The following DCDC2C variants were observed in gnomAD, a reference collection of about 807,000 sequenced individuals.
DCDC2C encodes the protein doublecortin domain-containing protein 2C.
Under a neutral mutation model 45.0 loss-of-function variants are expected in DCDC2C, and 44 were observed. The ratio of observed to expected loss-of-function variants is 0.98; its 90% CI spans 0.77 to 1.26. DCDC2C has a LOEUF of 1.26. Among genes scored for constraint, DCDC2C ranks in the 50% most tolerant of loss-of-function variants. DCDC2C has a pLI of 0.00. For synonymous variants in DCDC2C, 187 were observed against 178.8 expected, an observed-to-expected ratio of 1.05 and a Z score of -0.37; for missense variants, 447 against 468.9, an observed-to-expected ratio of 0.95 and a Z score of 0.43.
chr2:3,767,681 C>T, intron 6 of DCDC2C, 73 bp from the exon 7 acceptor site: 2 of 1,515,178 alleles, frequency 1.3e-6, no homozygotes, highest in Non-Finnish European at 1.8e-6. Flanking sequence ...CCTGACCACA[C>T]CCAGAGAACC....
At chr2:3,765,791 G>A (rs1009806064) in intron 6 of DCDC2C, among the ~76,000 whole-genome samples, 1 of 152,118 alleles carries the variant, frequency 6.6e-6, no homozygotes, top group African/African-American at 2.4e-5. Flanking sequence ...TCAATAAATT[G>A]TCTGTGGATT....
chr2:3,772,042 T>A (rs73910362), intron 8 of DCDC2C, among the ~76,000 whole-genome samples: 3,719 of 152,342 alleles, frequency 0.024, 157 homozygotes, highest in African/African-American at 0.084. Context: ...CTGTTTCTCA[T>A]TGTGTCTGCA....
chr2:3,827,239 T>C (rs1671844563), intron 10 of DCDC2C, among the ~76,000 whole-genome samples: 1 of 151,848 alleles, frequency 6.6e-6, no homozygotes, highest in Non-Finnish European at 1.5e-5. Context: ...GAAGGCTACA[T>C]ATGGAGTGGA....
Position 3,767,829 on chromosome 2 carries a change from A to G in DCDC2C, c.802A>G (p.Lys268Glu), listed in dbSNP as rs1047033657. The change falls in exon 7 of 11, where the codon AAA (lysine) becomes GAA (glutamate). Residue 268 changes from lysine to glutamate, a missense_variant. By Grantham distance (56) the Lys-to-Glu change is moderately conservative (BLOSUM62 1). Transcript: ENST00000399143. ...PKTQDSVYYAKEEKKKTLAEP... is the reference protein window; with the variant it reads ...PKTQDSVYYAEEEKKKTLAEP... The stretch of plus-strand genomic sequence containing the variant: ...AACACAGGATTCTGTTTATTATGCC[A>G]AAGAAGAAAAGAAGAAAACATTGGC... The G allele has an allele frequency of 1.9e-6, 3 of 1,542,476 alleles. No individual in the cohort carries two copies. The highest frequency in any genetic ancestry group is 4.1e-5 in the Admixed American group (2 of 48,822).
At chr2:3,846,088 G>A (rs1672320682) in intron 10 of DCDC2C, among the ~76,000 whole-genome samples, 1 of 152,012 alleles carries the variant, frequency 6.6e-6, no homozygotes, top group Non-Finnish European at 1.5e-5. Context: ...TGGAACTCAT[G>A]TTTTTCTTTC....
Position 3,769,333 on chromosome 2 carries a change from G to A in DCDC2C, c.876G>A (p.Pro292=), listed in dbSNP as rs767493047. 3 of 1,550,476 alleles carry A rather than the reference G, an allele frequency of 1.9e-6. No homozygotes were observed. Among genetic ancestry groups the A allele is most frequent in the Non-Finnish European group, 2.6e-6 (3 of 1,146,930 alleles). ...RGAEGDVYKA[P]TPSKETQGAL... ...CAGAAGGTGACGTGTATAAAGCACC[G>A]ACTCCTAGCAAGGAAACCCAAGGGG... The change falls in exon 8 of 11, where the codon CCG becomes CCA. Residue 292 remains proline, a synonymous_variant. Coordinates refer to ENST00000399143, the MANE Select transcript of DCDC2C (RefSeq NM_001287444.2).
chr2:3,776,692 G>T (rs1670350197), intron 8 of DCDC2C, among the ~76,000 whole-genome samples: 1 of 152,196 alleles, frequency 6.6e-6, no homozygotes, highest in African/African-American at 2.4e-5. Flanking sequence ...CTCTCTATGT[G>T]ATATAAAATT....
chr2:3,765,502 C>CA (rs1669986759), intron 6 of DCDC2C, among the ~76,000 whole-genome samples: 1 of 152,134 alleles, frequency 6.6e-6, no homozygotes, highest in Non-Finnish European at 1.5e-5. Flanking sequence ...ATTAGGAAGG[C>CA]AGGTGGGTCT....
Position 3,742,545 on chromosome 2 carries a change from TCTC to T in DCDC2C, c.545+501_545+503del, listed in dbSNP as rs149459868. 5.3e-3 allele frequency among the ~76,000 whole-genome samples: 802 copies of T among 152,000 alleles called. 6 individuals carry two copies. Among genetic ancestry groups the T allele is most frequent in the African/African-American group, 0.019 (772 of 41,442 alleles). ...GCCTGGGGGTCTGGCGTGGAGCAAA[TCTC>T]CTCTCCGCCATCTGTGTCTCGGTTA... On this transcript the variant is annotated intron_variant, in intron 4 of 10. Coordinates refer to ENST00000399143, the MANE Select transcript of DCDC2C (RefSeq NM_001287444.2).
intron 2 of DCDC2C, among the ~76,000 whole-genome samples, chr2:3,719,862 G>C (rs1421846727): frequency 6.6e-6 from 1 of 152,258 alleles, no homozygotes; most frequent in Admixed American, 6.5e-5. Flanking sequence ...CTTCAAATCA[G>C]AGGCGAGGCT....
chr2:3,801,682 C>T (rs998257780), intron 10 of DCDC2C, among the ~76,000 whole-genome samples: 23 of 152,260 alleles, frequency 1.5e-4, no homozygotes, highest in African/African-American at 5.5e-4. Flanking sequence ...AGAGCCTGAG[C>T]TTGTGGGCTC....
chr2:3,747,637 C>A (rs976173909), intron 4 of DCDC2C, among the ~76,000 whole-genome samples: 3 of 152,238 alleles, frequency 2.0e-5, no homozygotes, highest in Admixed American at 1.3e-4. Flanking sequence ...TTGGGTGTGG[C>A]CTGACCTCGC....
intron 10 of DCDC2C, among the ~76,000 whole-genome samples, chr2:3,823,947 A>C (rs1007783106): frequency 1.3e-5 from 2 of 152,178 alleles, no homozygotes; most frequent in African/African-American, 2.4e-5. Flanking sequence ...CTTTGTTGCA[A>C]CTCATCAGCT....
chr2:3,767,869 A>G lies in DCDC2C; in HGVS notation c.842A>G (p.Gln281Arg). 6.5e-7 allele frequency: 1 copy of G among 1,529,244 alleles called. No individual in the cohort carries two copies. Among genetic ancestry groups the G allele is most frequent in the Non-Finnish European group, 8.8e-7 (1 of 1,139,410 alleles). The allele number at this position is 1,529,244 out of a possible 1,614,324, so 94.7% of individuals were successfully genotyped here. ...AAAACATTGGCAGAACCTTTAGTCCAAAGGGGTGCAGGTGACGTGCAGTTT... is the reference window on the plus strand; with the variant it reads ...AAAACATTGGCAGAACCTTTAGTCCGAAGGGGTGCAGGTGACGTGCAGTTT... ...KKKTLAEPLV[Q>R]RGAEGDVYKA... The change falls in exon 7 of 11, where the codon CAA (glutamine) becomes CGA (arginine). Residue 281 changes from glutamine (Q) to arginine (R), a missense_variant. Gln to Arg is a conservative substitution (Grantham distance 43). Coordinates refer to ENST00000399143, the MANE Select transcript of DCDC2C (RefSeq NM_001287444.2).
chr2:3,716,915 C>T (rs560548353), intron 2 of DCDC2C, among the ~76,000 whole-genome samples: 60 of 152,214 alleles, frequency 3.9e-4, no homozygotes, highest in African/African-American at 1.4e-3. Flanking sequence ...TGTATGGATC[C>T]ACCATATTTT....
rs763488276 is a variant in DCDC2C at position 3,837,166 on chromosome 2, A to G, written c.1066-9988A>G. Among the ~76,000 whole-genome samples the G allele has an allele frequency of 5.9e-5, 9 of 152,312 alleles. No individual in the cohort carries two copies. The South Asian group carries it at 1.0e-3, about 18-fold the overall frequency. On this transcript the variant is annotated intron_variant, in intron 10 of 10. Coordinates refer to ENST00000399143, the MANE Select transcript of DCDC2C (RefSeq NM_001287444.2). The stretch of plus-strand genomic sequence containing the variant: ...TGGAGCTCAGTAGGAACACAAGTAC[A>G]CTGGCCAATCTCTTAAGGGCCTCTT...
At chr2:3,727,628 C>T (rs1349579995) in intron 3 of DCDC2C, among the ~76,000 whole-genome samples, 2 of 152,218 alleles carry the variant, frequency 1.3e-5, no homozygotes, top group African/African-American at 4.8e-5. Flanking sequence ...TGCCAGGCAC[C>T]GAGGTGCTCA....
rs115731384 is a variant in DCDC2C at position 3,735,103 on chromosome 2, A to G, written c.417-6817A>G. Among the ~76,000 whole-genome samples the G allele has an allele frequency of 4.9e-3, 752 of 152,236 alleles. 8 individuals carry two copies. The highest frequency in any genetic ancestry group is 0.024 in the Middle Eastern group (7 of 294). On this transcript the variant is annotated intron_variant, in intron 3 of 10. Coordinates refer to ENST00000399143, the MANE Select transcript of DCDC2C (RefSeq NM_001287444.2). ...GAGATTGCTTTTTTCTGTGACCAAG[A>G]TATCATAGCCCAGATACCAGACACA...
chr2:3,787,156 T>C (rs138308345), intron 10 of DCDC2C, among the ~76,000 whole-genome samples: 2 of 152,324 alleles, frequency 1.3e-5, no homozygotes, highest in East Asian at 3.9e-4. Flanking sequence ...TGAAGGAAAA[T>C]AATATCTGGT....
Sources: allele counts gnomAD v4.1 joint callset (sites outside exome capture counted in the v4.1 genomes callset), GRCh38; gene constraint gnomAD v4.1.1; transcripts MANE v1.5; gene names NCBI Gene and HGNC (gene_info 2026-07-23, HGNC 2026-07-21).